THEMIS: variants seen among roughly 807,000 people sequenced by gnomAD.
THEMIS encodes the protein thymocyte selection associated.
A neutral mutation model predicts 52.6 loss-of-function variants in THEMIS; 37 were observed. The observed-to-expected ratio is 0.70, with a 90% CI of 0.54 to 0.93. The LOEUF (loss-of-function observed/expected upper bound fraction) is 0.93, where lower values mean the gene tolerates loss of function less well. THEMIS is among the 40% of genes least tolerant of loss of function. THEMIS has a pLI of 0.00. For missense variants in THEMIS, 808 were observed against 763.1 expected, an observed-to-expected ratio of 1.06 and a Z score of -0.69; for synonymous variants, 292 against 272.7, an observed-to-expected ratio of 1.07 and a Z score of -0.70.
At chr6:127,794,013 C>T (rs1777246070) in intron 4 of THEMIS, among the ~76,000 whole-genome samples, 2 of 152,140 alleles carry the variant, frequency 1.3e-5, no homozygotes, top group Admixed American at 1.3e-4. Context: ...AAAAGAAGAT[C>T]ATTCTGTTAA....
chr6:127,817,887 G>A (rs763336721), intron 3 of THEMIS, among the ~76,000 whole-genome samples: 38 of 152,182 alleles, frequency 2.5e-4, no homozygotes, highest in Non-Finnish European at 4.3e-4. Flanking sequence ...GGCCCATCCA[G>A]GTTCTCAGGG....
At chr6:127,842,249 A>T (rs373429481) in intron 2 of THEMIS, among the ~76,000 whole-genome samples, 2 of 152,054 alleles carry the variant, frequency 1.3e-5, no homozygotes, top group African/African-American at 4.8e-5. Context: ...TTTCAATAGT[A>T]GATGAAAATA....
At position 127,896,884 on chromosome 6, in the gene THEMIS, T is replaced by C. The variant is rs1000569930; in HGVS notation, c.91+3958A>G. On this transcript the variant is annotated intron_variant, in intron 1 of 5. Coordinates refer to ENST00000368248, the MANE Select transcript of THEMIS (RefSeq NM_001010923.3). ...AGAACCATGGCTCTGTAGCATATTA[T>C]TAAATATAATCTAATAGAAAGTATA... Among the ~76,000 whole-genome samples, 3 of 151,494 alleles carry C rather than the reference T, an allele frequency of 2.0e-5. No individual in the cohort carries two copies. The South Asian group carries it at 6.2e-4, about 31-fold the overall frequency.
At chr6:127,880,626 AT>A (rs1780455341) in intron 1 of THEMIS, among the ~76,000 whole-genome samples, 1 of 151,402 alleles carries the variant, frequency 6.6e-6, no homozygotes, top group Non-Finnish European at 1.5e-5. Context: ...GAATTCACAC[AT>A]TGTTTATGGG....
At chr6:127,873,545 C>CT (rs35516554) in intron 1 of THEMIS, among the ~76,000 whole-genome samples, 1 of 152,124 alleles carries the variant, frequency 6.6e-6, no homozygotes, top group African/African-American at 2.4e-5. Flanking sequence ...CAAAAGCAAG[C>CT]TTTTTAAAGA....
intron 1 of THEMIS, chr6:127,868,501 G>A: frequency 2.0e-6 from 2 of 985,142 alleles, no homozygotes; most frequent in Non-Finnish European, 1.2e-6. Flanking sequence ...ACTCTGGTGT[G>A]CCACAAATTG....
chr6:127,896,282 T>C (rs1211126321), intron 1 of THEMIS, among the ~76,000 whole-genome samples: 1 of 151,242 alleles, frequency 6.6e-6, no homozygotes, highest in East Asian at 1.9e-4. Context: ...AATCCATCAA[T>C]ATTCACAGAC....
intron 1 of THEMIS, among the ~76,000 whole-genome samples, chr6:127,891,780 A>C (rs1049050346): frequency 2.0e-5 from 3 of 151,980 alleles, no homozygotes; most frequent in African/African-American, 7.2e-5. Context: ...TGCTGCTCAA[A>C]CTGGTCATTG....
chr6:127,865,635 G>A (rs1431146208), intron 1 of THEMIS, among the ~76,000 whole-genome samples: 4 of 152,014 alleles, frequency 2.6e-5, no homozygotes, highest in African/African-American at 9.7e-5. Context: ...ATTATCCATA[G>A]TAATATAAAC....
intron 4 of THEMIS, among the ~76,000 whole-genome samples, chr6:127,759,333 C>A (rs1282869469): frequency 6.6e-6 from 1 of 152,106 alleles, no homozygotes; most frequent in Non-Finnish European, 1.5e-5. Flanking sequence ...AGGCTGATGA[C>A]ACCAAAATAT....
At chr6:127,734,166 C>T (rs1774906333) in intron 4 of THEMIS, among the ~76,000 whole-genome samples, 4 of 152,118 alleles carry the variant, frequency 2.6e-5, no homozygotes, top group Admixed American at 2.6e-4. Context: ...ACAATTGCAA[C>T]ATATGCACAT....
chr6:127,834,285 T>G (rs1465334545), intron 2 of THEMIS, among the ~76,000 whole-genome samples: 7 of 151,916 alleles, frequency 4.6e-5, no homozygotes, highest in South Asian at 2.1e-4. Flanking sequence ...AATAATTGAT[T>G]TGGGGCCAGG....
intron 4 of THEMIS, among the ~76,000 whole-genome samples, chr6:127,774,148 G>A (rs1414866793): frequency 6.6e-6 from 1 of 152,218 alleles, no homozygotes; most frequent in Non-Finnish European, 1.5e-5. Flanking sequence ...ACATGGCAGC[G>A]TGGAGCTATC....
chr6:127,804,233 G>T, intron 4 of THEMIS, among the ~76,000 whole-genome samples: 1 of 152,052 alleles, frequency 6.6e-6, no homozygotes, highest in East Asian at 1.9e-4. Flanking sequence ...AATCAGGAAG[G>T]CATAATATTG....
intron 5 of THEMIS, among the ~76,000 whole-genome samples, chr6:127,712,124 T>A (rs1325230199): frequency 1.3e-5 from 2 of 151,978 alleles, no homozygotes; most frequent in African/African-American, 4.8e-5. Context: ...ATCTGTCATC[T>A]TGACAGTTAT....
chr6:127,849,518 A>T (rs890632932), intron 2 of THEMIS, among the ~76,000 whole-genome samples: 2 of 151,966 alleles, frequency 1.3e-5, no homozygotes, highest in African/African-American at 4.8e-5. Flanking sequence ...AGTCACCAAA[A>T]CAACATAGTA....
chr6:127,913,353 G>T (rs1039008110), intron 1 of THEMIS, among the ~76,000 whole-genome samples: 2 of 151,552 alleles, frequency 1.3e-5, no homozygotes, highest in African/African-American at 4.9e-5. Context: ...GTGTCCATTT[G>T]CATGCTTTTT....
chr6:127,844,050 C>T (rs1779134558), intron 2 of THEMIS, among the ~76,000 whole-genome samples: 1 of 152,012 alleles, frequency 6.6e-6, no homozygotes, highest in Admixed American at 6.6e-5. Context: ...TTTTAAGTTG[C>T]CAAATTTAGA....
intron 4 of THEMIS, among the ~76,000 whole-genome samples, chr6:127,774,355 G>A (rs1366698892): frequency 6.6e-6 from 1 of 152,150 alleles, no homozygotes; most frequent in Non-Finnish European, 1.5e-5. Flanking sequence ...AAGGGCGCCA[G>A]CCACCATGCC....
Sources: allele counts gnomAD v4.1 joint callset (sites outside exome capture counted in the v4.1 genomes callset), GRCh38; gene constraint gnomAD v4.1.1; transcripts MANE v1.5; gene names NCBI Gene and HGNC (gene_info 2026-07-23, HGNC 2026-07-21).